Variants in MAST4 observed in about 807,000 individuals in gnomAD.
The protein encoded by MAST4 is microtubule-associated serine/threonine-protein kinase 4.
A neutral mutation model predicts 162.7 loss-of-function variants in MAST4; 89 were observed. That is an observed-to-expected ratio of 0.55 (90% confidence interval 0.46 to 0.65). The LOEUF (loss-of-function observed/expected upper bound fraction) is 0.65. Ranked by LOEUF, MAST4 falls within the 30% of genes least tolerant of loss-of-function variation. The pLI is 0.00. For missense variants in MAST4, 3,153 were observed against 3,374.0 expected (o/e 0.93, Z 1.62); for synonymous variants, 1,479 against 1,361.1 (o/e 1.09, Z -1.91).
At chr5:66,750,250 T>G (rs543435253) in intron 1 of MAST4, among the ~76,000 whole-genome samples, 42 of 152,330 alleles carry the variant, frequency 2.8e-4, no homozygotes, top group African/African-American at 9.6e-4. Flanking sequence ...TTAGGGCATG[T>G]GCATACTGGA....
intron 3 of MAST4, among the ~76,000 whole-genome samples, chr5:66,831,505 T>A (rs1227443817): frequency 6.6e-6 from 1 of 152,228 alleles, no homozygotes. Flanking sequence ...GGACCAATTT[T>A]AAAAAGTTCA....
chr5:66,714,966 C>G (rs890783458), intron 1 of MAST4, among the ~76,000 whole-genome samples: 1 of 152,230 alleles, frequency 6.6e-6, no homozygotes, highest in African/African-American at 2.4e-5. Flanking sequence ...AGACCTCTGG[C>G]AGACTGGTCT....
chr5:66,809,411 T>A (rs1393721538), intron 3 of MAST4, among the ~76,000 whole-genome samples: 1 of 152,196 alleles, frequency 6.6e-6, no homozygotes, highest in Non-Finnish European at 1.5e-5. Context: ...CAACTTGTAG[T>A]GTCCTCATTT....
intron 1 of MAST4, among the ~76,000 whole-genome samples, chr5:66,648,413 T>C (rs1252810161): frequency 6.6e-6 from 1 of 152,126 alleles, no homozygotes; most frequent in East Asian, 1.9e-4. Flanking sequence ...AGGGCGCCTG[T>C]GTTACGTCTC....
intron 1 of MAST4, among the ~76,000 whole-genome samples, chr5:66,687,643 TC>T (rs1409627495): frequency 1.2e-5 from 1 of 84,754 alleles, no homozygotes; most frequent in South Asian, 4.2e-4. Context: ...TGTTTATCTA[TC>T]TATCTATCTA....
chr5:67,119,527 T>TG (rs972370598), intron 13 of MAST4, among the ~76,000 whole-genome samples: 20 of 151,992 alleles, frequency 1.3e-4, no homozygotes, highest in African/African-American at 3.9e-4. Flanking sequence ...TTCTACCAGC[T>TG]GGGGGGTGGG....
chr5:66,924,695 T>C (rs1212081968), intron 4 of MAST4, among the ~76,000 whole-genome samples: 1 of 152,178 alleles, frequency 6.6e-6, no homozygotes, highest in African/African-American at 2.4e-5. Context: ...ACTGGGCCTG[T>C]AGAAAATAAT....
intron 4 of MAST4, among the ~76,000 whole-genome samples, chr5:66,945,087 T>G (rs1204186875): frequency 6.6e-6 from 1 of 152,102 alleles, no homozygotes. Context: ...TTTAAAACTT[T>G]TATATGGGGA....
intron 4 of MAST4, among the ~76,000 whole-genome samples, chr5:67,044,597 C>T (rs1227160664): frequency 6.6e-6 from 1 of 152,144 alleles, no homozygotes; most frequent in Non-Finnish European, 1.5e-5. Context: ...TCACTGTAAT[C>T]TCAAACTCTT....
chr5:67,070,111 A>AT (rs1246238723), intron 5 of MAST4, among the ~76,000 whole-genome samples: 1 of 152,144 alleles, frequency 6.6e-6, no homozygotes, highest in Non-Finnish European at 1.5e-5. Flanking sequence ...AGGTGAATTG[A>AT]TTCACATTTG....
At chr5:66,894,718 G>T (rs556135606) in intron 3 of MAST4, among the ~76,000 whole-genome samples, 30 of 152,326 alleles carry the variant, frequency 2.0e-4, no homozygotes, top group African/African-American at 7.0e-4. Flanking sequence ...GTGTGTACTG[G>T]ACATTGCCAC....
chr5:66,785,190 C>A (rs1354142229), intron 2 of MAST4, among the ~76,000 whole-genome samples: 3 of 152,144 alleles, frequency 2.0e-5, no homozygotes, highest in African/African-American at 7.2e-5. Flanking sequence ...GAGATTGCGC[C>A]ATTGTACTCC....
chr5:66,716,664 A>G (rs920439005), intron 1 of MAST4, among the ~76,000 whole-genome samples: 10 of 151,822 alleles, frequency 6.6e-5, no homozygotes, highest in Non-Finnish European at 1.5e-4. Context: ...CCCAGCCTAG[A>G]TTTTGTCTTT....
intron 4 of MAST4, among the ~76,000 whole-genome samples, chr5:66,999,628 T>C (rs1751053008): frequency 6.6e-6 from 1 of 152,222 alleles, no homozygotes; most frequent in South Asian, 2.1e-4. Flanking sequence ...CCTTCGGAGA[T>C]TGTGTAGTTC....
At chr5:66,685,191 A>G (rs1459485531) in intron 1 of MAST4, among the ~76,000 whole-genome samples, 1 of 152,014 alleles carries the variant, frequency 6.6e-6, no homozygotes, top group African/African-American at 2.4e-5. Flanking sequence ...TGAGACTGGG[A>G]GGCAGTGGTT....
At chr5:66,995,339 A>T (rs1280203716) in intron 4 of MAST4, among the ~76,000 whole-genome samples, 1 of 152,172 alleles carries the variant, frequency 6.6e-6, no homozygotes. Flanking sequence ...AATTCTCAGG[A>T]ACTTGAACTT....
rs545433145 is a variant in MAST4, at chr5:66,859,900, T to C, written c.643-40051T>C. Among the ~76,000 whole-genome samples, 4 of 152,310 alleles carry C rather than the reference T, an allele frequency of 2.6e-5. No homozygotes were observed. The East Asian group carries it at 7.7e-4, about 29-fold the overall frequency. On this transcript the variant is annotated intron_variant, in intron 3 of 28. Coordinates refer to ENST00000403625, the MANE Select transcript of MAST4 (RefSeq NM_001164664.2). ...CATATTGTTTATGGCTCTTTTAGAA[T>C]TGAACTTTTAATAGAGCAATAGACT...
chr5:66,946,691 T>C (rs1744066993), intron 4 of MAST4, among the ~76,000 whole-genome samples: 1 of 152,194 alleles, frequency 6.6e-6, no homozygotes, highest in Non-Finnish European at 1.5e-5. Flanking sequence ...GAAATTACCA[T>C]TGCAGCTTCT....
rs902522755 is a variant in MAST4, at chr5:67,135,041, G to A, written c.2392+353G>A. 5.9e-5 allele frequency among the ~76,000 whole-genome samples: 9 copies of A among 152,286 alleles called. No homozygotes were observed. The South Asian group carries it at 6.2e-4, about 11-fold the overall frequency. Reference sequence around the variant, plus strand: ...ATGATAGGAAAGTTACACCAGGGAAGAAAAGGTTAATGTGGGTAACATTTA... The same window carrying A: ...ATGATAGGAAAGTTACACCAGGGAAAAAAAGGTTAATGTGGGTAACATTTA... On this transcript the variant is annotated intron_variant, in intron 18 of 28. Coordinates refer to ENST00000403625, the MANE Select transcript of MAST4 (RefSeq NM_001164664.2).
Sources: allele counts gnomAD v4.1 joint callset (sites outside exome capture counted in the v4.1 genomes callset), GRCh38; gene constraint gnomAD v4.1.1; transcripts MANE v1.5; gene names NCBI Gene and HGNC (gene_info 2026-07-23, HGNC 2026-07-21).